The following PRAG1 variants were observed in gnomAD, a reference collection of about 807,000 sequenced individuals.
The protein encoded by PRAG1 is PEAK1 related, kinase-activating pseudokinase 1, also known as inactive tyrosine-protein kinase PRAG1.
PRAG1 carries 110 observed loss-of-function variants against 95.6 expected under a neutral mutation model. The ratio of observed to expected loss-of-function variants is 1.15; its 90% CI spans 0.99 to 1.35. The LOEUF (loss-of-function observed/expected upper bound fraction) is 1.35. PRAG1 is among the 40% of genes most tolerant of loss of function. The pLI, the probability that PRAG1 is intolerant of heterozygous loss-of-function variation, is 0.00. For missense variants in PRAG1, 2,554 were observed against 1,864.7 expected (o/e 1.37, Z -6.81); for synonymous variants, 1,052 against 819.4 (o/e 1.28, Z -4.85).
intron 3 of PRAG1, among the ~76,000 whole-genome samples, chr8:8,373,668 G>T (rs1262439638): frequency 6.6e-6 from 1 of 152,068 alleles, no homozygotes; most frequent in Non-Finnish European, 1.5e-5. Context: ...GCCCAGGTTG[G>T]TCTCAAAGTC....
intron 5 of PRAG1, among the ~76,000 whole-genome samples, chr8:8,324,988 C>A (rs1461626767): frequency 6.6e-6 from 1 of 152,156 alleles, no homozygotes; most frequent in African/African-American, 2.4e-5. Context: ...CAGGTGTGAG[C>A]CTGCTATTGT....
At chr8:8,383,474 G>C (rs1308660611) in intron 1 of PRAG1, among the ~76,000 whole-genome samples, 2 of 152,020 alleles carry the variant, frequency 1.3e-5, no homozygotes, top group Non-Finnish European at 2.9e-5. Context: ...CCAGCTACTT[G>C]GGAGGCTGAG....
At chr8:8,325,665 C>G (rs998947840) in intron 5 of PRAG1, among the ~76,000 whole-genome samples, 3 of 152,214 alleles carry the variant, frequency 2.0e-5, no homozygotes, top group South Asian at 2.1e-4. Context: ...AATCCCAGCA[C>G]TTTCGGAGGC....
At chr8:8,342,762 C>A (rs537021640) in intron 3 of PRAG1, among the ~76,000 whole-genome samples, 1 of 151,956 alleles carries the variant, frequency 6.6e-6, no homozygotes, top group South Asian at 2.1e-4. Flanking sequence ...TGTAGAAACA[C>A]GAATTTTCAA....
intron 3 of PRAG1, among the ~76,000 whole-genome samples, chr8:8,363,957 T>C (rs1424717653): frequency 6.6e-6 from 1 of 152,212 alleles, no homozygotes; most frequent in Non-Finnish European, 1.5e-5. Flanking sequence ...TATTAAATAG[T>C]TTATTTCATA....
Position 8,376,763 on chromosome 8 carries a change from G to T in PRAG1, c.1646C>A (p.Ser549Tyr). ...KERPAIPPKL[S>Y]KSSPVGSPVS... The stretch of plus-strand genomic sequence containing the variant: ...CGGGGACCCTACAGGGCTACTCTTG[G>T]ACAACTTGGGGGGAATGGCGGGCCT... The change falls in exon 3 of 6, where the codon TCC (serine) becomes TAC (tyrosine). Residue 549 changes from serine to tyrosine, a missense_variant. By Grantham distance (144) the Ser-to-Tyr change is moderately radical. Coordinates refer to ENST00000615670, the MANE Select transcript of PRAG1 (RefSeq NM_001080826.3). The T allele has an allele frequency of 6.2e-7, 1 of 1,610,518 alleles. No individual in the cohort carries two copies. Among genetic ancestry groups the T allele is most frequent in the Non-Finnish European group, 8.5e-7 (1 of 1,179,958 alleles).
intron 3 of PRAG1, among the ~76,000 whole-genome samples, chr8:8,368,496 G>C (rs750233434): frequency 5.3e-5 from 8 of 152,204 alleles, no homozygotes; most frequent in Non-Finnish European, 1.2e-4. Flanking sequence ...TATTACTGCA[G>C]AAAGAGACAC....
intron 3 of PRAG1, among the ~76,000 whole-genome samples, chr8:8,374,940 T>C (rs753414162): frequency 6.6e-6 from 1 of 152,144 alleles, no homozygotes; most frequent in African/African-American, 2.4e-5. Flanking sequence ...ATGACATGAC[T>C]CGAGAAAGTC....
chr8:8,352,297 G>A (rs1473055570), intron 3 of PRAG1, among the ~76,000 whole-genome samples: 1 of 152,130 alleles, frequency 6.6e-6, no homozygotes, highest in African/African-American at 2.4e-5. Context: ...CATCTCAACA[G>A]GTCCAGCTCT....
At chr8:8,332,745 G>T (rs897283502) in intron 4 of PRAG1, among the ~76,000 whole-genome samples, 2 of 149,740 alleles carry the variant, frequency 1.3e-5, no homozygotes, top group African/African-American at 5.0e-5. Flanking sequence ...AGATGAAATT[G>T]GTTTCTCCAC....
intron 3 of PRAG1, among the ~76,000 whole-genome samples, chr8:8,365,838 G>C (rs894421402): frequency 2.0e-5 from 3 of 150,930 alleles, no homozygotes; most frequent in African/African-American, 7.3e-5. Context: ...AAATTAGCTG[G>C]ACATGGTGGT....
chr8:8,322,342 G>T (rs900275463), intron 5 of PRAG1, among the ~76,000 whole-genome samples: 1 of 151,940 alleles, frequency 6.6e-6, no homozygotes, highest in Non-Finnish European at 1.5e-5. Context: ...CACCACACTC[G>T]ACTAAATTTT....
At chr8:8,357,449 C>A (rs1799717349) in intron 3 of PRAG1, among the ~76,000 whole-genome samples, 1 of 152,194 alleles carries the variant, frequency 6.6e-6, no homozygotes, top group Admixed American at 6.5e-5. Context: ...TACTCAACAT[C>A]TTTAATCATT....
chr8:8,377,050 C>A lies in PRAG1; in HGVS notation c.1359G>T (p.Gln453His), dbSNP rs868652623. The A allele has an allele frequency of 4.3e-6, 7 of 1,614,056 alleles. No individual in the cohort carries two copies. In the Middle Eastern group the frequency reaches 6.6e-4, roughly 152 times the overall value. The change falls in exon 3 of 6, where the codon CAG (glutamine) becomes CAT (histidine). Residue 453 changes from glutamine to histidine, a missense_variant. Physicochemically the swap from Gln to His is conservative, Grantham distance 24. Coordinates refer to ENST00000615670, the MANE Select transcript of PRAG1 (RefSeq NM_001080826.3). Reference sequence around the variant, plus strand: ...CCCGGCCCCAGCCAGATGCTGCTTTCTGGGCCCAGGCATTACCTGTGCATA... The same window carrying A: ...CCCGGCCCCAGCCAGATGCTGCTTTATGGGCCCAGGCATTACCTGTGCATA... ...GQVCTGNAWA[Q>H]KAASGWGRDS... is the part of the protein sequence containing the mutation.
rs759109904 is a variant in PRAG1 at position 8,328,183 on chromosome 8, T to C, written c.2599A>G (p.Ser867Gly). The change falls in exon 5 of 6, where the codon AGC (serine) becomes GGC (glycine). Residue 867 changes from serine to glycine, a missense_variant. Physicochemically the swap from Ser to Gly is moderately conservative, Grantham distance 56. Transcript: ENST00000615670. ...HDESHFSYSL[S>G]PGNRHHPVFS... ...ACAGGATGGTGGCGGTTCCCGGGGC[T>C]CAACGAATAGCTAAAGTGAGATTCG... 1.9e-6 allele frequency: 3 copies of C among 1,614,136 alleles called. No individual in the cohort carries two copies. The Admixed American group carries it at 5.0e-5, about 27-fold the overall frequency.
intron 5 of PRAG1, among the ~76,000 whole-genome samples, chr8:8,321,916 G>A (rs529380946): frequency 1.2e-4 from 19 of 152,240 alleles, no homozygotes; most frequent in Admixed American, 5.9e-4. Context: ...GGAACCTCTG[G>A]TCACAATATT....
chr8:8,349,901 A>G (rs1309094004), intron 3 of PRAG1, among the ~76,000 whole-genome samples: 1 of 151,474 alleles, frequency 6.6e-6, no homozygotes, highest in Non-Finnish European at 1.5e-5. Context: ...CACAGGATAA[A>G]CTCATAGTTA....
At chr8:8,344,513 G>T (rs557128371) in intron 3 of PRAG1, among the ~76,000 whole-genome samples, 1 of 152,276 alleles carries the variant, frequency 6.6e-6, no homozygotes, top group East Asian at 1.9e-4. Flanking sequence ...GCAATGGGAG[G>T]TTGAAATGGG....
rs1246872262 is a variant in PRAG1 at position 8,339,640 on chromosome 8, A to G, written c.2163-5T>C. ...TTGTTCATTTTTAGAAGGTGCCTGG[A>G]AAAGGTAGGAACAAACAATACAAAT... On this transcript the variant is annotated splice_region_variant and splice_polypyrimidine_tract_variant and intron_variant, in intron 3 of 5. Coordinates refer to ENST00000615670, the MANE Select transcript of PRAG1 (RefSeq NM_001080826.3). 3.7e-6 allele frequency: 6 copies of G among 1,609,518 alleles called. No individual in the cohort carries two copies. Among genetic ancestry groups the G allele is most frequent in the African/African-American group, 1.3e-5 (1 of 74,844 alleles).
Sources: allele counts gnomAD v4.1 joint callset (sites outside exome capture counted in the v4.1 genomes callset), GRCh38; gene constraint gnomAD v4.1.1; transcripts MANE v1.5; gene names NCBI Gene and HGNC (gene_info 2026-07-23, HGNC 2026-07-21).